The following TUSC3 variants were observed in gnomAD, a reference collection of about 807,000 sequenced individuals.
TUSC3 encodes tumor suppressor candidate 3, also known as dolichyl-diphosphooligosaccharide--protein glycosyltransferase subunit TUSC3.
TUSC3 carries 45 observed loss-of-function variants against 44.8 expected under a neutral mutation model. That is an observed-to-expected ratio of 1.00 (90% CI 0.79 to 1.29). The LOEUF (loss-of-function observed/expected upper bound fraction) is 1.29, where lower values mean the gene tolerates loss of function less well. TUSC3 is among the 50% of genes most tolerant of loss of function. The pLI, the probability that TUSC3 is intolerant of heterozygous loss-of-function variation, is 0.00. For synonymous variants in TUSC3, 212 were observed against 152.9 expected, an observed-to-expected ratio of 1.39 and a Z score of -2.85; for missense variants, 519 against 437.9, an observed-to-expected ratio of 1.19 and a Z score of -1.65.
chr8:15,527,041 A>C (rs1801382137), intron 2 of TUSC3, among the ~76,000 whole-genome samples: 1 of 152,230 alleles, frequency 6.6e-6, no homozygotes, highest in South Asian at 2.1e-4. Flanking sequence ...AGTTTGAATA[A>C]TTGATTAATC....
At chr8:15,791,196 T>C in the TUSC3 span, among the ~76,000 whole-genome samples, 1 of 152,178 alleles carries the variant, frequency 6.6e-6, no homozygotes, top group East Asian at 1.9e-4. Context: ...TTTGTTAATA[T>C]AGTTGCTGAT....
At chr8:15,739,808 C>T (rs978767216) in intron 7 of TUSC3, among the ~76,000 whole-genome samples, 1 of 152,162 alleles carries the variant, frequency 6.6e-6, no homozygotes, top group Non-Finnish European at 1.5e-5. Flanking sequence ...TTCATCTAAT[C>T]CTGATATCAT....
chr8:15,588,554 G>A (rs969936521), intron 1 of TUSC3, among the ~76,000 whole-genome samples: 6 of 152,168 alleles, frequency 3.9e-5, no homozygotes, highest in Admixed American at 3.9e-4. Flanking sequence ...AAGCTTTTTA[G>A]TTTTATGTAG....
At chr8:15,425,517 C>G (rs1002352288) in intron 1 of TUSC3, among the ~76,000 whole-genome samples, 1 of 152,128 alleles carries the variant, frequency 6.6e-6, no homozygotes, top group Non-Finnish European at 1.5e-5. Flanking sequence ...GATGGTTTTT[C>G]AAGTACAATA....
chr8:15,522,170 A>G (rs1772976483), intron 2 of TUSC3, among the ~76,000 whole-genome samples: 1 of 152,056 alleles, frequency 6.6e-6, no homozygotes, highest in Non-Finnish European at 1.5e-5. Flanking sequence ...AGGTAGCTTT[A>G]CCAAGCTGTT....
chr8:15,803,898 C>T, the TUSC3 span, among the ~76,000 whole-genome samples: 8 of 152,142 alleles, frequency 5.3e-5, no homozygotes, highest in African/African-American at 1.7e-4. Context: ...TTTATGTCTG[C>T]ATAGTATTCC....
intron 2 of TUSC3, among the ~76,000 whole-genome samples, chr8:15,626,646 G>C (rs959727829): frequency 6.6e-6 from 1 of 152,162 alleles, no homozygotes; most frequent in African/African-American, 2.4e-5. Context: ...GCTTGGAGAT[G>C]TCTGCTTCCA....
intron 2 of TUSC3, among the ~76,000 whole-genome samples, chr8:15,636,637 G>C (rs1260542287): frequency 6.6e-6 from 1 of 152,216 alleles, no homozygotes; most frequent in African/African-American, 2.4e-5. Flanking sequence ...AGGTTTGTGT[G>C]TCCCCAAAGA....
At chr8:15,502,511 G>C (rs938555644) in intron 2 of TUSC3, among the ~76,000 whole-genome samples, 2 of 151,456 alleles carry the variant, frequency 1.3e-5, no homozygotes, top group African/African-American at 2.5e-5. Flanking sequence ...GTTTGTTTGA[G>C]ACGGAGTCTC....
At chr8:15,497,691 A>G (rs1800901577) in intron 2 of TUSC3, among the ~76,000 whole-genome samples, 1 of 151,942 alleles carries the variant, frequency 6.6e-6, no homozygotes, top group Non-Finnish European at 1.5e-5. Flanking sequence ...AGGAAAATGC[A>G]CGCAAGAGAA....
At chr8:15,514,969 G>A (rs899127333) in intron 2 of TUSC3, among the ~76,000 whole-genome samples, 1 of 152,148 alleles carries the variant, frequency 6.6e-6, no homozygotes, top group Non-Finnish European at 1.5e-5. Flanking sequence ...GACATATAGA[G>A]AATACTCCAT....
At chr8:15,564,371 C>T (rs1008914619) in intron 1 of TUSC3, among the ~76,000 whole-genome samples, 3 of 152,086 alleles carry the variant, frequency 2.0e-5, no homozygotes, top group African/African-American at 4.8e-5. Context: ...TAACGTCATC[C>T]AGCTGTCAAC....
At chr8:15,551,174 T>G (rs555180361) in intron 1 of TUSC3, among the ~76,000 whole-genome samples, 52 of 151,818 alleles carry the variant, frequency 3.4e-4, no homozygotes, top group African/African-American at 1.1e-3. Context: ...TCTCTGAAAT[T>G]ACATACATTT....
chr8:15,565,914 GGTCT>G (rs1802651302), intron 1 of TUSC3, among the ~76,000 whole-genome samples: 1 of 151,818 alleles, frequency 6.6e-6, no homozygotes, highest in Non-Finnish European at 1.5e-5. Flanking sequence ...AAAATTTTGG[GGTCT>G]GTCTGGTACT....
intron 1 of TUSC3, among the ~76,000 whole-genome samples, chr8:15,577,204 G>C (rs1353670524): frequency 2.0e-5 from 3 of 150,692 alleles, no homozygotes; most frequent in African/African-American, 7.3e-5. Flanking sequence ...TGTAGATTCT[G>C]GATATTAGCC....
chr8:15,595,263 C>G (rs1804018258), intron 1 of TUSC3, among the ~76,000 whole-genome samples: 1 of 152,170 alleles, frequency 6.6e-6, no homozygotes. Context: ...TTGATCAGCA[C>G]TCAGCTGAAT....
At chr8:15,664,224 T>G (rs1194445279) in intron 5 of TUSC3, among the ~76,000 whole-genome samples, 1 of 151,710 alleles carries the variant, frequency 6.6e-6, no homozygotes, top group Non-Finnish European at 1.5e-5. Flanking sequence ...TGAGATTTGA[T>G]CTCATTGATC....
At chr8:15,598,234 G>T (rs1252504084) in intron 1 of TUSC3, among the ~76,000 whole-genome samples, 1 of 151,860 alleles carries the variant, frequency 6.6e-6, no homozygotes, top group African/African-American at 2.4e-5. Context: ...TACATTGAAA[G>T]TTTTTCTTCT....
At chr8:15,564,843 C>G (rs879397534) in intron 1 of TUSC3, among the ~76,000 whole-genome samples, 47 of 152,078 alleles carry the variant, frequency 3.1e-4, no homozygotes, top group Admixed American at 2.8e-3. Flanking sequence ...GTTTGCATCA[C>G]AAGCTTCCCC....
Sources: gnomAD v4.1 joint callset for allele counts (sites outside exome capture counted in the v4.1 genomes callset) on GRCh38, gnomAD v4.1.1 for gene constraint, MANE v1.5 for transcripts, NCBI Gene and HGNC (gene_info 2026-07-23, HGNC 2026-07-21) for gene names.